Variants in ATP11A observed in about 807,000 individuals in gnomAD.
ATP11A encodes the protein phospholipid-transporting ATPase IH.
A neutral mutation model predicts 154.4 loss-of-function variants in ATP11A; 81 were observed. The ratio of observed to expected loss-of-function variants is 0.52; its 90% CI spans 0.44 to 0.63. ATP11A has a LOEUF of 0.63. ATP11A is among the 30% of genes least tolerant of loss of function. ATP11A has a pLI of 0.00. For missense variants in ATP11A, 1,316 were observed against 1,474.3 expected (o/e 0.89, Z 1.76); for synonymous variants, 623 against 585.9 (o/e 1.06, Z -0.91).
intron 17 of ATP11A, 21 bp downstream of exon 17, chr13:112,842,400 G>A: frequency 6.4e-7 from 1 of 1,558,934 alleles, no homozygotes; most frequent in Non-Finnish European, 8.8e-7. Context: ...GGCTGGGGAG[G>A]GCCTCGTGGC....
In ATP11A at chr13:112,882,596, C is replaced by T. The variant is rs953985791; in HGVS notation, c.*730C>T. The T allele has an allele frequency of 7.4e-6, 3 of 405,580 alleles. No individual in the cohort carries two copies. Among genetic ancestry groups the T allele is most frequent in the South Asian group, 1.3e-4 (1 of 7,716 alleles). The allele number at this position is 405,580 out of a possible 1,614,324, so 25.1% of individuals were successfully genotyped here. On this transcript the variant is annotated 3_prime_UTR_variant, in exon 30 of 30. Coordinates refer to ENST00000375645, the MANE Select transcript of ATP11A (RefSeq NM_015205.3). This position sits in a 1 kb window ranked among gnomAD's most constrained non-coding sequence, Gnocchi z 5.1. ...TGCGGTTACGTCCAAGCCCGCCTGC[C>T]CTGTGTGTTGGGGCTGGCTGAGTTT... is the stretch of plus-strand genomic sequence containing the variant.
At chr13:112,766,027 G>T (rs1251409795) in intron 1 of ATP11A, among the ~76,000 whole-genome samples, 1 of 152,178 alleles carries the variant, frequency 6.6e-6, no homozygotes, top group Non-Finnish European at 1.5e-5. Flanking sequence ...GTCGGGGGCG[G>T]ATCCCCCTGT....
Position 112,882,151 on chromosome 13 carries a change from G to C in ATP11A, c.*285G>C. On this transcript the variant is annotated 3_prime_UTR_variant, in exon 30 of 30. Transcript: ENST00000375645. The surrounding 1 kb of genome is among the most constrained non-coding windows in gnomAD (Gnocchi z 5.1). ...GAGGGGGGTCACAGGCCTTGCCCTC[G>C]AGCATGGCACCCTGGCCGCCTGGAC... 6.9e-6 allele frequency: 9 copies of C among 1,308,824 alleles called. No individual in the cohort carries two copies. Among genetic ancestry groups the C allele is most frequent in the Non-Finnish European group, 9.1e-6 (9 of 994,148 alleles). 81.1% of individuals were successfully genotyped at this position (1,308,824 alleles called of 1,614,324 possible).
chr13:112,764,286 G>A (rs1384564348), intron 1 of ATP11A, among the ~76,000 whole-genome samples: 1 of 152,192 alleles, frequency 6.6e-6, no homozygotes, highest in African/African-American at 2.4e-5. Flanking sequence ...TTCCTTATAG[G>A]CTCATGCTTG....
At position 112,807,027 on chromosome 13, in the gene ATP11A, G is replaced by T. The variant is rs566187883; in HGVS notation, c.333+734G>T. 6.6e-6 allele frequency among the ~76,000 whole-genome samples: 1 copy of T among 152,204 alleles called. No homozygotes were observed. The highest frequency in any genetic ancestry group is 1.5e-5 in the Non-Finnish European group (1 of 68,050). On this transcript the variant is annotated intron_variant, in intron 4 of 29. Transcript: ENST00000375645. The surrounding 1 kb of genome is among the most constrained non-coding windows in gnomAD (Gnocchi z 4.5). ...ACATACCTGGCATTTTGTGTATCAC[G>T]CGTCCTCTGTGGATGGACATTTGGG...
At chr13:112,779,125 T>G (rs1303758648) in intron 1 of ATP11A, among the ~76,000 whole-genome samples, 1 of 27,804 alleles carries the variant, frequency 3.6e-5, no homozygotes. Flanking sequence ...CTGGAGTGAG[T>G]AGCCGCTGGA....
At chr13:112,783,578 C>T (rs1165267915) in intron 1 of ATP11A, among the ~76,000 whole-genome samples, 2 of 152,232 alleles carry the variant, frequency 1.3e-5, no homozygotes, top group Admixed American at 6.5e-5. Context: ...TCCCACTGCA[C>T]CAGCATTCCC....
At chr13:112,702,345 CAAAAA>C (rs35687422) in intron 1 of ATP11A, among the ~76,000 whole-genome samples, 1 of 121,762 alleles carries the variant, frequency 8.2e-6, no homozygotes, top group African/African-American at 3.2e-5. Context: ...GATTCTGTCT[CAAAAA>C]AAAAAAAAAA....
At chr13:112,768,307 T>G (rs1269424053) in intron 1 of ATP11A, among the ~76,000 whole-genome samples, 1 of 152,222 alleles carries the variant, frequency 6.6e-6, no homozygotes, top group Non-Finnish European at 1.5e-5. Flanking sequence ...CGTCTTCCTC[T>G]GTGGAGTTGG....
chr13:112,777,537 C>G (rs771687444), intron 1 of ATP11A, among the ~76,000 whole-genome samples: 57 of 152,334 alleles, frequency 3.7e-4, no homozygotes, highest in Non-Finnish European at 5.7e-4. Flanking sequence ...GCACTCCAGC[C>G]TGGGGGACAA....
At chr13:112,693,822 G>A (rs1382239905) in intron 1 of ATP11A, among the ~76,000 whole-genome samples, 1 of 152,096 alleles carries the variant, frequency 6.6e-6, no homozygotes, top group East Asian at 1.9e-4. Flanking sequence ...CATGGTGGCG[G>A]GTGCCTGTAA....
At chr13:112,799,036 C>T (rs1370672290) in intron 2 of ATP11A, among the ~76,000 whole-genome samples, 4 of 152,198 alleles carry the variant, frequency 2.6e-5, no homozygotes, top group African/African-American at 9.7e-5. Flanking sequence ...AAGCAGACTT[C>T]AGAACAAGAG....
In ATP11A at chr13:112,878,232, C is replaced by G; in HGVS notation, c.3343C>G (p.Leu1115Val). 6.2e-7 allele frequency: 1 copy of G among 1,614,238 alleles called. No homozygotes were observed. The change falls in exon 29 of 30, where the codon CTT becomes GTT. Residue 1115 changes from leucine (L) to valine (V), a missense_variant. Physicochemically the swap from Leu to Val is conservative, Grantham distance 32. This residue lies in a region of ATP11A where 294 missense variants were observed against 290.2 expected (regional missense o/e 1.01). Transcript: ENST00000375645. Reference protein sequence around the residue: ...TERVQTKSQCLSVEQSTIFML... With the variant: ...TERVQTKSQCVSVEQSTIFML... Reference sequence around the variant, plus strand: ...CGGGACTAAGACTAAGAGCCAGTGCCTTTCTGTCGAGCAGTCAACCATCTT... The same window carrying G: ...CGGGACTAAGACTAAGAGCCAGTGCGTTTCTGTCGAGCAGTCAACCATCTT...
At chr13:112,711,596 C>A (rs1306095625) in intron 1 of ATP11A, among the ~76,000 whole-genome samples, 1 of 151,642 alleles carries the variant, frequency 6.6e-6, no homozygotes, top group Admixed American at 6.6e-5. Flanking sequence ...CAGGTCAGGG[C>A]TCTGGACTGG....
chr13:112,831,064 C>T (rs1033725306), intron 12 of ATP11A, among the ~76,000 whole-genome samples: 4 of 152,140 alleles, frequency 2.6e-5, no homozygotes, highest in Non-Finnish European at 5.9e-5. Context: ...GTCTCTGTCC[C>T]GGGGAATGGG....
intron 1 of ATP11A, among the ~76,000 whole-genome samples, chr13:112,721,216 A>G (rs1889138902): frequency 6.6e-6 from 1 of 152,062 alleles, no homozygotes; most frequent in Non-Finnish European, 1.5e-5. Flanking sequence ...TTGTAGCCTT[A>G]GGAATTTAGG....
intron 11 of ATP11A, 121 bp downstream of exon 11, chr13:112,825,701 C>T (rs531640242): frequency 1.7e-6 from 2 of 1,196,760 alleles, no homozygotes; most frequent in African/African-American, 1.5e-5. Flanking sequence ...TTGATTGATT[C>T]AGTCTCTGTG....
intron 1 of ATP11A, among the ~76,000 whole-genome samples, chr13:112,782,257 G>A (rs981238518): frequency 6.6e-6 from 1 of 152,208 alleles, no homozygotes; most frequent in South Asian, 2.1e-4. Context: ...AAGCGGCCGG[G>A]AAGCGTGGGC....
intron 1 of ATP11A, among the ~76,000 whole-genome samples, chr13:112,783,129 C>G (rs529540683): frequency 3.0e-4 from 45 of 152,274 alleles, no homozygotes; most frequent in African/African-American, 9.9e-4. Context: ...CAGCTCCTGT[C>G]CGGGACGTTC....
Sources: gnomAD v4.1 joint callset for allele counts (sites outside exome capture counted in the v4.1 genomes callset) on GRCh38, gnomAD v4.1.1 for gene constraint, gnomAD v4.1.1 regional missense constraint, Gnocchi (gnomAD v3.1) non-coding constraint, MANE v1.5 for transcripts, NCBI Gene and HGNC (gene_info 2026-07-23, HGNC 2026-07-21) for gene names.